DDX20: variants seen among roughly 807,000 people sequenced by gnomAD.
DDX20 encodes probable ATP-dependent RNA helicase DDX20.
In DDX20, 61 loss-of-function variants were observed where a neutral mutation model predicts 76.4. That is an observed-to-expected ratio of 0.80 (90% CI 0.65 to 0.99). The LOEUF is 0.99. DDX20 is among the 50% of genes least tolerant of loss of function. DDX20 has a pLI of 0.00. For synonymous variants in DDX20, 357 were observed against 357.4 expected, an observed-to-expected ratio of 1.00 and a Z score of 0.01; for missense variants, 976 against 996.8, an observed-to-expected ratio of 0.98 and a Z score of 0.28.
Position 111,756,239 on chromosome 1 carries a change from C to G in DDX20, c.301+14C>G. On this transcript the variant is annotated intron_variant, in intron 1 of 10. Coordinates refer to ENST00000369702, the MANE Select transcript of DDX20 (RefSeq NM_007204.5). ...GCTGCGGGCTCGGTGAGAGCGGGGG[C>G]CCGGGATAGGTCGGGGGGTGGGGTG... is the stretch of plus-strand genomic sequence containing the variant. 7.1e-7 allele frequency: 1 copy of G among 1,404,906 alleles called. No individual in the cohort carries two copies. The highest frequency in any genetic ancestry group is 1.5e-5 in the South Asian group (1 of 65,790). The allele number at this position is 1,404,906 out of a possible 1,614,324, so 87.0% of individuals were successfully genotyped here.
At position 111,761,131 on chromosome 1, in the gene DDX20, G is replaced by C; in HGVS notation, c.962+6G>C. 3 of 1,612,906 alleles carry C rather than the reference G, an allele frequency of 1.9e-6. No homozygotes were observed. Among genetic ancestry groups the C allele is most frequent in the Non-Finnish European group, 2.5e-6 (3 of 1,179,496 alleles). On this transcript the variant is annotated splice_donor_region_variant and intron_variant, in intron 6 of 10. Transcript: ENST00000369702. ...TTTTCTAATTTGCACAGCAGGTAAT[G>C]TAACTTAAAAGGTCATCTGGGGAAC...
At chr1:111,756,268 G>GTCT in intron 1 of DDX20, 43 bp downstream of exon 1, 1 of 739,120 alleles carries the variant, frequency 1.4e-6, no homozygotes, top group Admixed American at 4.0e-5. Context: ...TGGGGTGGGA[G>GTCT]AAGGGGGACC....
Position 111,766,108 on chromosome 1 carries a change from C to T in DDX20, c.1684C>T (p.His562Tyr), listed in dbSNP as rs1239321228. The change falls in exon 11 of 11, where the codon CAC (histidine) becomes TAC (tyrosine). Residue 562 changes from histidine (H) to tyrosine (Y), a missense_variant. By Grantham distance (83) the His-to-Tyr change is moderately conservative (BLOSUM62 2). Coordinates refer to ENST00000369702, the MANE Select transcript of DDX20 (RefSeq NM_007204.5). ...TPVENSTNSQ[H>Y]QVKEALPVSL... Reference sequence around the variant, plus strand: ...CGTTGAAAACTCCACCAACAGTCAGCACCAGGTCAAAGAAGCTTTACCTGT... The same window carrying T: ...CGTTGAAAACTCCACCAACAGTCAGTACCAGGTCAAAGAAGCTTTACCTGT... The T allele has an allele frequency of 1.2e-6, 2 of 1,614,070 alleles. No homozygotes were observed. The highest frequency in any genetic ancestry group is 1.3e-5 in the African/African-American group (1 of 74,920).
In DDX20 at chr1:111,756,160, C is replaced by T. The variant is rs1663545943; in HGVS notation, c.236C>T (p.Ala79Val). ...LSRPVLEGLR[A>V]AGFERPSPVQ... The stretch of plus-strand genomic sequence containing the variant: ...CGGCCGGTGCTGGAGGGGCTGCGGG[C>T]GGCCGGCTTCGAGAGGCCCTCGCCG... The change falls in exon 1 of 11, where the codon GCG (alanine) becomes GTG (valine). Residue 79 changes from alanine (A) to valine (V), a missense_variant. Physicochemically the swap from Ala to Val is moderately conservative, Grantham distance 64. Transcript: ENST00000369702. 1.3e-6 allele frequency: 2 copies of T among 1,550,866 alleles called. No homozygotes were observed. The highest frequency in any genetic ancestry group is 8.6e-7 in the Non-Finnish European group (1 of 1,156,308).
Position 111,766,145 on chromosome 1 carries a change from A to C in DDX20, c.1721A>C (p.Gln574Pro). 3 of 1,614,122 alleles carry C rather than the reference A, an allele frequency of 1.9e-6. No individual in the cohort carries two copies. The highest frequency in any genetic ancestry group is 2.5e-6 in the Non-Finnish European group (3 of 1,179,986). ...VKEALPVSLPQIPCLSSFKIH... is the reference protein window; with the variant it reads ...VKEALPVSLPPIPCLSSFKIH... ...GAAGCTTTACCTGTGTCACTCCCCC[A>C]GATTCCTTGTCTGTCTTCCTTTAAA... The change falls in exon 11 of 11, where the codon CAG (glutamine) becomes CCG (proline). Residue 574 changes from glutamine (Q) to proline (P), a missense_variant. Gln to Pro is a moderately conservative substitution (Grantham distance 76). Coordinates refer to ENST00000369702, the MANE Select transcript of DDX20 (RefSeq NM_007204.5).
rs1189991231 is a variant in DDX20, at chr1:111,765,896, A to G, written c.1472A>G (p.Asp491Gly). The G allele has an allele frequency of 2.5e-6, 4 of 1,613,902 alleles. No homozygotes were observed. The African/African-American group carries it at 4.0e-5, about 16-fold the overall frequency. The change falls in exon 11 of 11, where the codon GAC becomes GGC. Residue 491 changes from aspartate (D) to glycine (G), a missense_variant. Around this residue, in one of 3 missense-constraint regions of DDX20, gnomAD observed 630 missense variants for 693.7 expected, o/e 0.91. Coordinates refer to ENST00000369702, the MANE Select transcript of DDX20 (RefSeq NM_007204.5). Reference sequence around the variant, plus strand: ...CTTCAAATTCAGAAAGCTCATGGTGACCACATGGCTTCCTCTAGAAATAAT... The same window carrying G: ...CTTCAAATTCAGAAAGCTCATGGTGGCCACATGGCTTCCTCTAGAAATAAT... Reference protein sequence around the residue: ...RTLQIQKAHGDHMASSRNNSV... With the variant: ...RTLQIQKAHGGHMASSRNNSV...
chr1:111,756,796 C>T (rs1663566682), intron 2 of DDX20, 56 bp downstream of exon 2: 1 of 1,355,368 alleles, frequency 7.4e-7, no homozygotes, highest in African/African-American at 1.4e-5. Flanking sequence ...TACCACAGGT[C>T]AGATGAAATA....
intron 3 of DDX20, among the ~76,000 whole-genome samples, chr1:111,759,890 C>T (rs1400417287): frequency 1.4e-5 from 2 of 145,494 alleles, no homozygotes; most frequent in Non-Finnish European, 3.0e-5. Context: ...AGGAGAATGG[C>T]GTGAACCCGG....
At chr1:111,764,904 A>G (rs1663747702) in intron 10 of DDX20, among the ~76,000 whole-genome samples, 1 of 152,240 alleles carries the variant, frequency 6.6e-6, no homozygotes, top group African/African-American at 2.4e-5. Flanking sequence ...TCAACTGAGT[A>G]GGAATGAGAG....
Position 111,766,358 on chromosome 1 carries a change from G to C in DDX20, c.1934G>C (p.Ser645Thr). 6.2e-7 allele frequency: 1 copy of C among 1,614,146 alleles called. No homozygotes were observed. The change falls in exon 11 of 11, where the codon AGT becomes ACT. Residue 645 changes from serine to threonine, a missense_variant. By Grantham distance (58) the Ser-to-Thr change is moderately conservative. Coordinates refer to ENST00000369702, the MANE Select transcript of DDX20 (RefSeq NM_007204.5). ...VIEQRVPVLA[S>T]SSQSGDSESD... Reference sequence around the variant, plus strand: ...GAACAGAGAGTCCCTGTGTTGGCAAGTAGTAGCCAATCTGGAGACTCTGAG... The same window carrying C: ...GAACAGAGAGTCCCTGTGTTGGCAACTAGTAGCCAATCTGGAGACTCTGAG...
At chr1:111,759,992 A>G (rs1188080879) in intron 3 of DDX20, among the ~76,000 whole-genome samples, 3 of 139,466 alleles carry the variant, frequency 2.2e-5, no homozygotes, top group South Asian at 2.1e-4. Context: ...AAAAAAAAAA[A>G]AAAGAAATGA....
intron 2 of DDX20, among the ~76,000 whole-genome samples, chr1:111,757,692 T>C (rs79523785): frequency 0.011 from 1,664 of 152,334 alleles, 27 homozygotes; most frequent in African/African-American, 0.038. Context: ...GGAAGCTTTT[T>C]GAGTCCATCT....
intron 2 of DDX20, among the ~76,000 whole-genome samples, chr1:111,758,596 T>C (rs1303608270): frequency 2.6e-5 from 4 of 152,126 alleles, no homozygotes; most frequent in Admixed American, 6.5e-5. Flanking sequence ...GCCTTTCCAT[T>C]TGCTGTTTCC....
chr1:111,766,996 T>C lies in DDX20; in HGVS notation c.*97T>C. On this transcript the variant is annotated 3_prime_UTR_variant, in exon 11 of 11. Transcript: ENST00000369702. The stretch of plus-strand genomic sequence containing the variant: ...TATAGTACAGTGGTGTATAGTGGCA[T>C]TTCTGATAAACTTGAAAAGACTTGA... 1.0e-6 allele frequency: 1 copy of C among 963,506 alleles called. No homozygotes were observed. Among genetic ancestry groups the C allele is most frequent in the East Asian group, 2.5e-5 (1 of 39,974 alleles). 59.7% of individuals were successfully genotyped at this position (963,506 alleles called of 1,614,324 possible). A position where few individuals can be genotyped will look rare whatever the true frequency, so the allele number is the denominator to read the frequency against.
Position 111,766,490 on chromosome 1 carries a change from C to T in DDX20, c.2066C>T (p.Pro689Leu), listed in dbSNP as rs1663783225. 1 of 1,614,150 alleles carries T rather than the reference C, an allele frequency of 6.2e-7. No individual in the cohort carries two copies. The highest frequency in any genetic ancestry group is 1.1e-5 in the South Asian group (1 of 91,080). The change falls in exon 11 of 11, where the codon CCT (proline) becomes CTT (leucine). Residue 689 changes from proline (P) to leucine (L), a missense_variant. Coordinates refer to ENST00000369702, the MANE Select transcript of DDX20 (RefSeq NM_007204.5). The stretch of plus-strand genomic sequence containing the variant: ...CAGCTGAAAGACTCTGAATCTACGC[C>T]TGTGGATGATCGTATTTCTTTGGAA... ...DNQLKDSEST[P>L]VDDRISLEQP... is the part of the protein sequence containing the mutation.
chr1:111,758,696 G>T (rs1319117485), intron 2 of DDX20, among the ~76,000 whole-genome samples: 2 of 151,994 alleles, frequency 1.3e-5, no homozygotes, highest in East Asian at 3.8e-4. Flanking sequence ...CTCCTTTGAG[G>T]AGGTTTCATG....
chr1:111,757,126 C>T (rs541901854), intron 2 of DDX20, among the ~76,000 whole-genome samples: 1 of 151,300 alleles, frequency 6.6e-6, no homozygotes, highest in South Asian at 2.1e-4. Flanking sequence ...GATCATTGCT[C>T]ACTGCAACCT....
intron 2 of DDX20, among the ~76,000 whole-genome samples, chr1:111,758,307 C>T (rs1663605829): frequency 6.7e-6 from 1 of 150,096 alleles, no homozygotes; most frequent in African/African-American, 2.4e-5. Flanking sequence ...ATCTTACTAC[C>T]TAGAGAGAAA....
chr1:111,765,882 G>T lies in DDX20; in HGVS notation c.1458G>T (p.Gln486His). The change falls in exon 11 of 11, where the codon CAG becomes CAT. Residue 486 changes from glutamine (Q) to histidine (H), a missense_variant. Coordinates refer to ENST00000369702, the MANE Select transcript of DDX20 (RefSeq NM_007204.5). The stretch of plus-strand genomic sequence containing the variant: ...AAATAGAGAGAACCCTTCAAATTCA[G>T]AAAGCTCATGGTGACCACATGGCTT... ...IQKIERTLQI[Q>H]KAHGDHMASS... is the part of the protein sequence containing the mutation. 6.2e-7 allele frequency: 1 copy of T among 1,614,132 alleles called. No individual in the cohort carries two copies. Among genetic ancestry groups the T allele is most frequent in the Non-Finnish European group, 8.5e-7 (1 of 1,180,016 alleles).
Sources: allele counts gnomAD v4.1 joint callset (sites outside exome capture counted in the v4.1 genomes callset), GRCh38; gene constraint gnomAD v4.1.1; regional missense constraint gnomAD v4.1.1; transcripts MANE v1.5; gene names NCBI Gene and HGNC (gene_info 2026-07-23, HGNC 2026-07-21).